KIF2C: variants seen among roughly 807,000 people sequenced by gnomAD.
KIF2C encodes the protein kinesin-like protein KIF2C.
In KIF2C, 34 loss-of-function variants were observed where a neutral mutation model predicts 97.4. That is an observed-to-expected ratio of 0.35 (90% CI 0.27 to 0.46). The LOEUF is 0.46. Ranked by LOEUF, KIF2C falls within the 20% of genes least tolerant of loss-of-function variation. The pLI is 1.00. For missense variants in KIF2C, 750 were observed against 907.6 expected, an observed-to-expected ratio of 0.83 and a Z score of 2.23; for synonymous variants, 313 against 318.2, an observed-to-expected ratio of 0.98 and a Z score of 0.17.
In KIF2C at chr1:44,758,089, G is replaced by C. The variant is rs767283274; in HGVS notation, c.1173G>C (p.Arg391=). The C allele has an allele frequency of 6.2e-7, 1 of 1,614,066 alleles. No individual in the cohort carries two copies. Among genetic ancestry groups the C allele is most frequent in the Non-Finnish European group, 8.5e-7 (1 of 1,180,036 alleles). Residue 391 remains arginine (R), a synonymous_variant, in exon 13 of 21, where the codon CGG becomes CGC. Coordinates refer to ENST00000372224, the MANE Select transcript of KIF2C (RefSeq NM_006845.4). The stretch of plus-strand genomic sequence containing the variant: ...TCCTGAAGAATCAACCCTGCTACCG[G>C]AAGTTGGGCCTGGAAGTCTATGTGA... ...VFLLKNQPCY[R]KLGLEVYVTF...
intron 2 of KIF2C, chr1:44,746,579 C>G: frequency 4.3e-6 from 6 of 1,396,256 alleles, no homozygotes; most frequent in Non-Finnish European, 5.6e-6. Context: ...TCAAGAGGTG[C>G]TTGGGGGGCT....
At position 44,760,757 on chromosome 1, in the gene KIF2C, A is replaced by G; in HGVS notation, c.1683+55A>G. ...ACAGGAGGAGACAGAGTTGCTTTCC[A>G]CAGAGACACTTAGTCCTGTCCCTGG... On this transcript the variant is annotated intron_variant, in intron 16 of 20. Coordinates refer to ENST00000372224, the MANE Select transcript of KIF2C (RefSeq NM_006845.4). The surrounding 1 kb of genome is among the most constrained non-coding windows in gnomAD (Gnocchi z 4.2). 1 of 1,412,602 alleles carries G rather than the reference A, an allele frequency of 7.1e-7. No homozygotes were observed. Among genetic ancestry groups the G allele is most frequent in the Non-Finnish European group, 1.0e-6 (1 of 1,001,716 alleles). The allele number at this position is 1,412,602 out of a possible 1,614,324, so 87.5% of individuals were successfully genotyped here. A position where few individuals can be genotyped will look rare whatever the true frequency, so the allele number is the denominator to read the frequency against.
rs187881271 is a variant in KIF2C at position 44,751,387 on chromosome 1, G to A, written c.439+823G>A. ...ATTTTTGTATTTTTAGTAGGGGTGGGGTATCGCCATGTTGGCCAGGCTGGT... is the reference window on the plus strand; with the variant it reads ...ATTTTTGTATTTTTAGTAGGGGTGGAGTATCGCCATGTTGGCCAGGCTGGT... On this transcript the variant is annotated intron_variant, in intron 5 of 20. Coordinates refer to ENST00000372224, the MANE Select transcript of KIF2C (RefSeq NM_006845.4). Among the ~76,000 whole-genome samples, 498 of 152,066 alleles carry A rather than the reference G, an allele frequency of 3.3e-3. 4 individuals are homozygous for A. The highest frequency in any genetic ancestry group is 0.011 in the African/African-American group (475 of 41,474).
intron 4 of KIF2C, 128 bp downstream of exon 4, chr1:44,747,828 A>G (rs750821995): frequency 3.1e-5 from 23 of 742,644 alleles, no homozygotes; most frequent in Non-Finnish European, 4.7e-5. Context: ...CCTGTGTTCC[A>G]AGCATCTTTC....
chr1:44,748,634 G>T (rs1231405142), intron 4 of KIF2C, among the ~76,000 whole-genome samples: 1 of 151,970 alleles, frequency 6.6e-6, no homozygotes, highest in Non-Finnish European at 1.5e-5. Flanking sequence ...TTGAACTCTT[G>T]GGCTCAGGCA....
chr1:44,742,335 T>A (rs1648976528), intron 2 of KIF2C, among the ~76,000 whole-genome samples: 3 of 151,946 alleles, frequency 2.0e-5, no homozygotes, highest in South Asian at 4.1e-4. Flanking sequence ...GGTCTCGATC[T>A]CCTGACCTCG....
At chr1:44,765,131 AAT>A (rs1033366952) in intron 19 of KIF2C, among the ~76,000 whole-genome samples, 8 of 152,068 alleles carry the variant, frequency 5.3e-5, no homozygotes, top group Non-Finnish European at 1.2e-4. Context: ...AATAAAATAA[AAT>A]AATCATTTGG....
At chr1:44,745,189 C>CAA (rs77081893) in intron 2 of KIF2C, among the ~76,000 whole-genome samples, 6 of 117,792 alleles carry the variant, frequency 5.1e-5, no homozygotes, top group African/African-American at 6.2e-5. Context: ...AACTCCATCT[C>CAA]AAAAAAAAAA....
At position 44,762,626 on chromosome 1, in the gene KIF2C, A is replaced by G. The variant is rs750475885; in HGVS notation, c.1939A>G (p.Lys647Glu). The G allele has an allele frequency of 1.2e-6, 2 of 1,613,938 alleles. No homozygotes were observed. The highest frequency in any genetic ancestry group is 1.7e-5 in the Admixed American group (1 of 60,002). The change falls in exon 19 of 21, where the codon AAG becomes GAG. Residue 647 changes from lysine (K) to glutamate (E), a missense_variant. Lys to Glu is a moderately conservative substitution (Grantham distance 56). Transcript: ENST00000372224. ...GACTCAGATCAGGGAGCTGGAGGAG[A>G]AGGCTATGGAAGAGCTCAAGGAGAT... Reference protein sequence around the residue: ...AMTQIRELEEKAMEELKEIIQ... With the variant: ...AMTQIRELEEEAMEELKEIIQ...
Position 44,754,638 on chromosome 1 carries a change from C to T in KIF2C, c.664-112C>T. 6.5e-6 allele frequency: 5 copies of T among 773,976 alleles called. No individual in the cohort carries two copies. The South Asian group carries it at 7.0e-5, about 11-fold the overall frequency. 47.9% of individuals were successfully genotyped at this position (773,976 alleles called of 1,614,324 possible). A position where few individuals can be genotyped will look rare whatever the true frequency, so the allele number is the denominator to read the frequency against. On this transcript the variant is annotated intron_variant, in intron 7 of 20. Transcript: ENST00000372224. ...TCTCAACCCAGAGCCAGGGCAGGGA[C>T]TTTGACAACTATGAAGGGTGGTGAG...
Position 44,760,194 on chromosome 1 carries a change from G to C in KIF2C, c.1368-86G>C. 1 of 1,261,500 alleles carries C rather than the reference G, an allele frequency of 7.9e-7. No individual in the cohort carries two copies. Among genetic ancestry groups the C allele is most frequent in the Non-Finnish European group, 1.1e-6 (1 of 875,930 alleles). 78.1% of individuals were successfully genotyped at this position (1,261,500 alleles called of 1,614,324 possible). A position where few individuals can be genotyped will look rare whatever the true frequency, so the allele number is the denominator to read the frequency against. ...AGGACTTTTTCGCCTCCTAACCTGTGTCCCTCCCTTCCTAGAGAACTTCTG... is the reference window on the plus strand; with the variant it reads ...AGGACTTTTTCGCCTCCTAACCTGTCTCCCTCCCTTCCTAGAGAACTTCTG... On this transcript the variant is annotated intron_variant, in intron 14 of 20. Coordinates refer to ENST00000372224, the MANE Select transcript of KIF2C (RefSeq NM_006845.4). The surrounding 1 kb of genome is among the most constrained non-coding windows in gnomAD (Gnocchi z 4.2).
chr1:44,745,884 C>CT (rs956967695), intron 2 of KIF2C, among the ~76,000 whole-genome samples: 40 of 147,762 alleles, frequency 2.7e-4, no homozygotes, highest in South Asian at 1.3e-3. Flanking sequence ...TTTTCTTTTT[C>CT]TTTTTTTTTT....
chr1:44,753,003 C>T (rs1649607078), intron 5 of KIF2C, 129 bp from the exon 6 acceptor site: 1 of 1,152,754 alleles, frequency 8.7e-7, no homozygotes, highest in Non-Finnish European at 1.2e-6. Flanking sequence ...AAAGCACAAG[C>T]TCTGCACATA....
chr1:44,748,998 GA>G (rs990408483), intron 4 of KIF2C, among the ~76,000 whole-genome samples: 1 of 151,046 alleles, frequency 6.6e-6, no homozygotes, highest in African/African-American at 2.4e-5. Flanking sequence ...CATTTTAATG[GA>G]AAAAAAAATC....
intron 4 of KIF2C, among the ~76,000 whole-genome samples, chr1:44,748,039 A>G (rs1649307990): frequency 6.6e-6 from 1 of 152,222 alleles, no homozygotes; most frequent in Non-Finnish European, 1.5e-5. Flanking sequence ...TGCCTTGGAA[A>G]GAGATTTTGA....
In KIF2C at chr1:44,767,115, G is replaced by A. The variant is rs555741884; in HGVS notation, c.2114G>A (p.Arg705His). 1.4e-5 allele frequency: 23 copies of A among 1,614,136 alleles called. No individual in the cohort carries two copies. The South Asian group carries it at 1.5e-4, about 11-fold the overall frequency. Reference sequence around the variant, plus strand: ...CTTCCAGATGTCATCAAGGCCTTGCGCCTGGCCATGCAGCTGGAAGAGCAG... The same window carrying A: ...CTTCCAGATGTCATCAAGGCCTTGCACCTGGCCATGCAGCTGGAAGAGCAG... ...SALRDVIKALRLAMQLEEQAS... is the reference protein window; with the variant it reads ...SALRDVIKALHLAMQLEEQAS... The change falls in exon 21 of 21, where the codon CGC becomes CAC. Residue 705 changes from arginine to histidine, a missense_variant. By Grantham distance (29) the Arg-to-His change is conservative. Coordinates refer to ENST00000372224, the MANE Select transcript of KIF2C (RefSeq NM_006845.4).
intron 19 of KIF2C, among the ~76,000 whole-genome samples, chr1:44,765,981 G>C (rs1650442446): frequency 6.6e-6 from 1 of 152,186 alleles, no homozygotes; most frequent in Admixed American, 6.5e-5. Context: ...GAACCCGGGA[G>C]GCGGAGGTTG....
intron 14 of KIF2C, among the ~76,000 whole-genome samples, chr1:44,759,948 C>T (rs1650052097): frequency 6.6e-6 from 1 of 152,122 alleles, no homozygotes; most frequent in Non-Finnish European, 1.5e-5. Flanking sequence ...ACAGGGTCCT[C>T]AAGTTCTGGC....
At chr1:44,757,533 C>G in intron 10 of KIF2C, 23 bp from the exon 11 acceptor site, 1 of 1,511,802 alleles carries the variant, frequency 6.6e-7, no homozygotes, top group Non-Finnish European at 9.2e-7. Flanking sequence ...GGAACAGATA[C>G]AAATACTCTA....
Sources: allele counts gnomAD v4.1 joint callset (sites outside exome capture counted in the v4.1 genomes callset), GRCh38; gene constraint gnomAD v4.1.1; non-coding constraint Gnocchi (gnomAD v3.1); transcripts MANE v1.5; gene names NCBI Gene and HGNC (gene_info 2026-07-23, HGNC 2026-07-21).